DCHS2: variants seen among roughly 807,000 people sequenced by gnomAD.
The protein encoded by DCHS2 is protocadherin-23.
Under a neutral mutation model 182.4 loss-of-function variants are expected in DCHS2, and 142 were observed. That is an observed-to-expected ratio of 0.78 (90% CI 0.68 to 0.89). The LOEUF (loss-of-function observed/expected upper bound fraction) is 0.89, where lower values mean the gene tolerates loss of function less well. Among genes scored for constraint, DCHS2 ranks in the 40% least tolerant of loss-of-function variants. DCHS2 has a pLI of 0.00. For synonymous variants in DCHS2, 1,740 were observed against 1,663.3 expected (o/e 1.05, Z -1.12); for missense variants, 4,319 against 4,198.6 (o/e 1.03, Z -0.79).
In DCHS2 at chr4:154,490,344, G is replaced by C. The variant is rs1344211982; in HGVS notation, c.1012C>G (p.Arg338Gly). Reference sequence around the variant, plus strand: ...CCGCTACCCGCCCCAGGCACTTGCCGGGCGCGGACGCTGTAGCGCACGAAG... The same window carrying C: ...CCGCTACCCGCCCCAGGCACTTGCCCGGCGCGGACGCTGTAGCGCACGAAG... ...NGFVRYSVRA[R>G]QVPGAGSGGG... The change falls in exon 1 of 20, where the codon CGG becomes GGG. Residue 338 changes from arginine to glycine, a missense_variant. Physicochemically the swap from Arg to Gly is moderately radical, Grantham distance 125 (BLOSUM62 -2). Coordinates refer to ENST00000357232, the MANE Select transcript of DCHS2 (RefSeq NM_001358235.2). 1 of 1,540,720 alleles carries C rather than the reference G, an allele frequency of 6.5e-7. No individual in the cohort carries two copies. The highest frequency in any genetic ancestry group is 1.2e-5 in the South Asian group (1 of 83,890).
At chr4:154,279,843 C>T (rs765004222) in intron 13 of DCHS2, among the ~76,000 whole-genome samples, 7 of 151,068 alleles carry the variant, frequency 4.6e-5, no homozygotes, top group Admixed American at 6.6e-5. Context: ...AAACTTAACC[C>T]GAAGTTAGTA....
chr4:154,252,806 C>A (rs958448616), intron 16 of DCHS2, among the ~76,000 whole-genome samples: 1 of 151,882 alleles, frequency 6.6e-6, no homozygotes, highest in East Asian at 1.9e-4. Context: ...ATAGTGATTT[C>A]TTTTTAGTGG....
At chr4:154,366,904 G>T (rs1385001197) in intron 2 of DCHS2, among the ~76,000 whole-genome samples, 2 of 152,170 alleles carry the variant, frequency 1.3e-5, no homozygotes, top group African/African-American at 4.8e-5. Flanking sequence ...GTGAATGCTG[G>T]TAAGTGCTAA....
chr4:154,441,862 GA>G (rs1277671248), intron 1 of DCHS2, among the ~76,000 whole-genome samples: 1 of 151,980 alleles, frequency 6.6e-6, no homozygotes, highest in East Asian at 1.9e-4. Flanking sequence ...TTTGAGGAGG[GA>G]AAAAGACATA....
chr4:154,453,657 G>A (rs115293172), intron 1 of DCHS2, among the ~76,000 whole-genome samples: 1,829 of 152,070 alleles, frequency 0.012, 30 homozygotes, highest in South Asian at 0.075. Flanking sequence ...GTCTCTTCCT[G>A]CCCAACCTCC....
chr4:154,479,737 C>A (rs1322969388), intron 1 of DCHS2, among the ~76,000 whole-genome samples: 1 of 152,106 alleles, frequency 6.6e-6, no homozygotes, highest in Non-Finnish European at 1.5e-5. Context: ...TATGTAGAAA[C>A]TATATGTTTA....
At chr4:154,365,577 C>G (rs911222761) in intron 3 of DCHS2, among the ~76,000 whole-genome samples, 1 of 151,772 alleles carries the variant, frequency 6.6e-6, no homozygotes, top group Non-Finnish European at 1.5e-5. Flanking sequence ...CTCCTGGCCT[C>G]GAGCCATCCT....
At chr4:154,399,173 C>T (rs867098174) in intron 1 of DCHS2, among the ~76,000 whole-genome samples, 1 of 152,182 alleles carries the variant, frequency 6.6e-6, no homozygotes, top group South Asian at 2.1e-4. Flanking sequence ...CTGAGAGCAA[C>T]TTCCATTTTC....
At chr4:154,385,471 T>C (rs939764430) in intron 1 of DCHS2, among the ~76,000 whole-genome samples, 2 of 152,094 alleles carry the variant, frequency 1.3e-5, no homozygotes, top group African/African-American at 2.4e-5. Context: ...ATGGCTTTTC[T>C]AGTTCTAGAT....
intron 19 of DCHS2, 63 bp from the exon 20 acceptor site, chr4:154,237,222 G>T (rs1731575046): frequency 2.0e-6 from 3 of 1,511,062 alleles, no homozygotes; most frequent in Non-Finnish European, 2.6e-6. Flanking sequence ...CATTTAATCG[G>T]CAGTTGACTA....
chr4:154,489,472 C>G lies in DCHS2; in HGVS notation c.1884G>C (p.Ala628=), dbSNP rs776464375. The change falls in exon 1 of 20, where the codon GCG becomes GCC. Residue 628 remains alanine (A), a synonymous_variant. Coordinates refer to ENST00000357232, the MANE Select transcript of DCHS2 (RefSeq NM_001358235.2). ...IRTLDREVQE[A]VELKVVAQDL... is the part of the protein sequence containing the mutation. Reference sequence around the variant, plus strand: ...CCTGGGCCACCACTTTCAGCTCCACCGCCTCCTGGACCTCTCGGTCTAGAG... The same window carrying G: ...CCTGGGCCACCACTTTCAGCTCCACGGCCTCCTGGACCTCTCGGTCTAGAG... 6.4e-7 allele frequency: 1 copy of G among 1,551,700 alleles called. No homozygotes were observed. Among genetic ancestry groups the G allele is most frequent in the South Asian group, 1.2e-5 (1 of 84,036 alleles).
chr4:154,375,536 T>C (rs768823794), intron 2 of DCHS2, among the ~76,000 whole-genome samples: 1 of 152,074 alleles, frequency 6.6e-6, no homozygotes, highest in Non-Finnish European at 1.5e-5. Context: ...CTGTGAAGAA[T>C]AGACACTTCA....
intron 3 of DCHS2, among the ~76,000 whole-genome samples, chr4:154,336,732 C>A (rs1447063434): frequency 6.6e-6 from 1 of 152,042 alleles, no homozygotes; most frequent in Non-Finnish European, 1.5e-5. Flanking sequence ...CTTTTTTCCC[C>A]AGCTTTATTA....
At chr4:154,408,049 T>C (rs566281263) in intron 1 of DCHS2, among the ~76,000 whole-genome samples, 59 of 151,968 alleles carry the variant, frequency 3.9e-4, no homozygotes, top group African/African-American at 1.3e-3. Context: ...TCTGCTCAAA[T>C]AGTATCTTTC....
intron 3 of DCHS2, among the ~76,000 whole-genome samples, chr4:154,363,093 T>C (rs1036371764): frequency 1.3e-5 from 2 of 152,202 alleles, no homozygotes; most frequent in Non-Finnish European, 2.9e-5. Flanking sequence ...CTTCTTGTTC[T>C]ATTATTTGAG....
At position 154,235,827 on chromosome 4, in the gene DCHS2, G is replaced by C; in HGVS notation, c.8825C>G (p.Pro2942Arg). ...NGNIYLIRAL[P>R]LIKSQLNKED... ...TTTGTTGAGTTGACTTTTTATTAGG[G>C]GAAGGGCTCTAATCAAATAAATATT... The change falls in exon 20 of 20, where the codon CCC becomes CGC. Residue 2942 changes from proline (P) to arginine (R), a missense_variant. Coordinates refer to ENST00000357232, the MANE Select transcript of DCHS2 (RefSeq NM_001358235.2). 6.2e-7 allele frequency: 1 copy of C among 1,613,854 alleles called. No homozygotes were observed. Among genetic ancestry groups the C allele is most frequent in the Non-Finnish European group, 8.5e-7 (1 of 1,179,928 alleles).
chr4:154,236,985 A>G lies in DCHS2; in HGVS notation c.7667T>C (p.Leu2556Pro), dbSNP rs748120330. Residue 2556 changes from leucine (L) to proline (P), a missense_variant, in exon 20 of 20, where the codon CTT (leucine) becomes CCT (proline). By Grantham distance (98) the Leu-to-Pro change is moderately conservative. Transcript: ENST00000357232. ...AACCAGAGCATCCTCACTTAGGCTA[A>G]GATTATAGGATTTGACTGTGAATTC... ...APEFTVKSYN[L>P]SLSEDALVGS... 9 of 1,613,918 alleles carry G rather than the reference A, an allele frequency of 5.6e-6. No homozygotes were observed. In the African/African-American group the frequency reaches 1.1e-4, roughly 19 times the overall value.
chr4:154,386,229 C>A (rs546037145), intron 1 of DCHS2, among the ~76,000 whole-genome samples: 1 of 152,276 alleles, frequency 6.6e-6, no homozygotes, highest in East Asian at 1.9e-4. Context: ...TTAATCTGAC[C>A]CCTGGCTACT....
chr4:154,237,804 A>G lies in DCHS2; in HGVS notation c.7493-645T>C, dbSNP rs1282319100. On this transcript the variant is annotated intron_variant, in intron 19 of 19. Transcript: ENST00000357232. ...AAGGATGGTCACTAAGAAAGAATAC[A>G]GAATGCTGACATTTAAATGCCATGT... is the stretch of plus-strand genomic sequence containing the variant. Among the ~76,000 whole-genome samples the G allele has an allele frequency of 4.6e-5, 7 of 152,214 alleles. No homozygotes were observed. The East Asian group carries it at 1.3e-3, about 29-fold the overall frequency.
Sources: gnomAD v4.1 joint callset for allele counts (sites outside exome capture counted in the v4.1 genomes callset) on GRCh38, gnomAD v4.1.1 for gene constraint, MANE v1.5 for transcripts, NCBI Gene and HGNC (gene_info 2026-07-23, HGNC 2026-07-21) for gene names.